PARN: variants seen among roughly 807,000 people sequenced by gnomAD.
PARN encodes the protein poly(A)-specific ribonuclease PARN.
PARN carries 71 observed loss-of-function variants against 102.8 expected under a neutral mutation model. The observed-to-expected ratio is 0.69, with a 90% CI of 0.57 to 0.84. PARN has a LOEUF of 0.84. Among genes scored for constraint, PARN ranks in the 40% least tolerant of loss-of-function variants. The pLI is 0.00. For synonymous variants in PARN, 261 were observed against 252.9 expected, an observed-to-expected ratio of 1.03 and a Z score of -0.30; for missense variants, 782 against 760.9, an observed-to-expected ratio of 1.03 and a Z score of -0.33.
intron 8 of PARN, 110 bp from the exon 9 acceptor site, chr16:14,608,429 T>G (rs761927992): frequency 7.6e-6 from 5 of 658,852 alleles, no homozygotes; most frequent in Non-Finnish European, 1.3e-5. Context: ...TCATTAGAAC[T>G]GATAGGTAAT....
chr16:14,546,922 G>A (rs188570426), intron 21 of PARN, among the ~76,000 whole-genome samples: 206 of 151,868 alleles, frequency 1.4e-3, no homozygotes, highest in Non-Finnish European at 2.4e-3. Flanking sequence ...GTGAACCCTC[G>A]TCTCTACTAA....
intron 21 of PARN, among the ~76,000 whole-genome samples, chr16:14,496,815 C>A (rs1473919990): frequency 6.6e-6 from 1 of 152,174 alleles, no homozygotes; most frequent in African/African-American, 2.4e-5. Context: ...TTACTAAGCA[C>A]CAGGTTCTCT....
At chr16:14,610,878 C>A in intron 6 of PARN, 69 bp from the exon 7 acceptor site, 1 of 1,035,040 alleles carries the variant, frequency 9.7e-7, no homozygotes, top group Non-Finnish European at 1.5e-6. Context: ...TTTAACAAAC[C>A]AAAGAGTCTA....
intron 1 of PARN, 46 bp downstream of exon 1, chr16:14,630,061 G>A (rs548834248): frequency 6.5e-7 from 1 of 1,527,236 alleles, no homozygotes; most frequent in Middle Eastern, 1.7e-4. Flanking sequence ...GCAGGCCAGG[G>A]GCAGCCGGGT....
chr16:14,560,308 C>T (rs973715480), intron 18 of PARN, among the ~76,000 whole-genome samples: 1 of 152,224 alleles, frequency 6.6e-6, no homozygotes, highest in African/African-American at 2.4e-5. Flanking sequence ...CAGACTAACA[C>T]TTGCACGAAA....
intron 18 of PARN, among the ~76,000 whole-genome samples, chr16:14,572,361 C>T (rs1289139540): frequency 6.6e-6 from 1 of 151,528 alleles, no homozygotes; most frequent in Non-Finnish European, 1.5e-5. Context: ...TTTTTGGTCA[C>T]CCAAAATAAG....
chr16:14,602,510 A>C (rs543263541), intron 11 of PARN, among the ~76,000 whole-genome samples: 1 of 152,162 alleles, frequency 6.6e-6, no homozygotes, highest in Admixed American at 6.5e-5. Context: ...TCAGGTCAAA[A>C]CCAGAATGGA....
chr16:14,474,947 T>C (rs1265736142), intron 22 of PARN, among the ~76,000 whole-genome samples: 2 of 152,266 alleles, frequency 1.3e-5, no homozygotes, highest in Non-Finnish European at 2.9e-5. Context: ...GTAATACATA[T>C]ATTCAGTTAC....
intron 11 of PARN, 79 bp from the exon 12 acceptor site, chr16:14,600,039 A>T: frequency 1.3e-6 from 1 of 770,426 alleles, no homozygotes. Flanking sequence ...CCCCAAAAAA[A>T]AGACACTGAA....
intron 2 of PARN, among the ~76,000 whole-genome samples, chr16:14,628,809 A>C (rs1027863224): frequency 2.0e-5 from 3 of 152,242 alleles, no homozygotes; most frequent in Non-Finnish European, 4.4e-5. Flanking sequence ...AAAATCAGAC[A>C]GCAAAAATGG....
intron 10 of PARN, among the ~76,000 whole-genome samples, chr16:14,605,842 A>T (rs1971144992): frequency 6.6e-6 from 1 of 152,228 alleles, no homozygotes; most frequent in South Asian, 2.1e-4. Flanking sequence ...CTGCCCACGC[A>T]ACATGAAGCC....
At chr16:14,544,332 T>A (rs1430761101) in intron 21 of PARN, among the ~76,000 whole-genome samples, 1 of 152,194 alleles carries the variant, frequency 6.6e-6, no homozygotes, top group Non-Finnish European at 1.5e-5. Context: ...CTCAGCACTT[T>A]CGGAGGTCAA....
At chr16:14,588,982 C>T (rs2151760866) in intron 13 of PARN, among the ~76,000 whole-genome samples, 1 of 152,064 alleles carries the variant, frequency 6.6e-6, no homozygotes, top group East Asian at 1.9e-4. Flanking sequence ...GGGTTCAAGA[C>T]CAGCCTGGCC....
chr16:14,470,054 C>T (rs1962624239), intron 22 of PARN, among the ~76,000 whole-genome samples: 1 of 152,090 alleles, frequency 6.6e-6, no homozygotes, highest in South Asian at 2.1e-4. Flanking sequence ...GATAATGAGA[C>T]TTTTAATTAT....
intron 12 of PARN, among the ~76,000 whole-genome samples, chr16:14,598,147 A>AAT (rs149028366): frequency 3.2e-3 from 476 of 149,600 alleles, no homozygotes; most frequent in East Asian, 0.012. Flanking sequence ...CGGCTCAAAA[A>AAT]ATATATATAT....
intron 22 of PARN, among the ~76,000 whole-genome samples, chr16:14,466,431 T>A (rs891035082): frequency 1.3e-5 from 2 of 152,234 alleles, no homozygotes; most frequent in African/African-American, 2.4e-5. Flanking sequence ...TTAAAGGGTA[T>A]ACAGAACTCA....
intron 18 of PARN, among the ~76,000 whole-genome samples, chr16:14,575,728 G>A (rs1157422593): frequency 6.6e-6 from 1 of 152,170 alleles, no homozygotes; most frequent in Admixed American, 6.5e-5. Flanking sequence ...TGTTGGGAAG[G>A]CATGACTGGT....
Position 14,627,151 on chromosome 16 carries a change from C to A in PARN, c.282G>T (p.Pro94=). Residue 94 remains proline (P), a synonymous_variant, in exon 5 of 24, where the codon CCG becomes CCT. Coordinates refer to ENST00000437198, the MANE Select transcript of PARN (RefSeq NM_002582.4). ...CTGGTGAGGATCTATTGAAGGGTTTCGGGAAAACATAGAAGTTAAATGACT... is the reference window on the plus strand; with the variant it reads ...CTGGTGAGGATCTATTGAAGGGTTTAGGGAAAACATAGAAGTTAAATGACT... ...ITKSFNFYVF[P]KPFNRSSPDV... 6.2e-7 allele frequency: 1 copy of A among 1,606,024 alleles called. No individual in the cohort carries two copies. Among genetic ancestry groups the A allele is most frequent in the Non-Finnish European group, 8.5e-7 (1 of 1,173,888 alleles).
At chr16:14,536,004 C>A (rs945565096) in intron 21 of PARN, among the ~76,000 whole-genome samples, 6 of 152,022 alleles carry the variant, frequency 3.9e-5, no homozygotes, top group African/African-American at 9.7e-5. Flanking sequence ...AATAAAAAAG[C>A]ATATAATGCT....
Sources: gnomAD v4.1 joint callset for allele counts (sites outside exome capture counted in the v4.1 genomes callset) on GRCh38, gnomAD v4.1.1 for gene constraint, MANE v1.5 for transcripts, NCBI Gene and HGNC (gene_info 2026-07-23, HGNC 2026-07-21) for gene names.